The following EPHA5 variants were observed in gnomAD, a reference collection of about 807,000 sequenced individuals.
EPHA5 encodes the protein ephrin type-A receptor 5.
EPHA5 carries 60 observed loss-of-function variants against 105.0 expected under a neutral mutation model. The observed-to-expected ratio is 0.57, with a 90% confidence interval of 0.46 to 0.71. The LOEUF is 0.71. Among genes scored for constraint, EPHA5 ranks in the 30% least tolerant of loss-of-function variants. The pLI is 0.00. For missense variants in EPHA5, 1,218 were observed against 1,274.7 expected (o/e 0.96, Z 0.68); for synonymous variants, 513 against 449.1 (o/e 1.14, Z -1.80).
intron 3 of EPHA5, among the ~76,000 whole-genome samples, chr4:65,571,335 CAG>C (rs1740158333): frequency 1.4e-5 from 2 of 140,934 alleles, no homozygotes; most frequent in South Asian, 4.4e-4. Flanking sequence ...AAAAAAAAAA[CAG>C]ATCAAAAATT....
intron 11 of EPHA5, among the ~76,000 whole-genome samples, chr4:65,354,515 CAG>C (rs975369415): frequency 2.0e-5 from 3 of 151,560 alleles, no homozygotes; most frequent in Non-Finnish European, 4.4e-5. Context: ...GTTAAGAAAA[CAG>C]AGACCTATGA....
chr4:65,551,254 A>ATGTGTG (rs71657186), intron 3 of EPHA5, among the ~76,000 whole-genome samples: 10,620 of 141,060 alleles, frequency 0.075, 626 homozygotes, highest in East Asian at 0.23. Flanking sequence ...ATATTTATAT[A>ATGTGTG]TGTGTGTGTG....
chr4:65,380,822 C>A (rs1478843912), intron 8 of EPHA5, among the ~76,000 whole-genome samples: 1 of 151,720 alleles, frequency 6.6e-6, no homozygotes, highest in African/African-American at 2.4e-5. Flanking sequence ...GGCACCAATC[C>A]TTTAGAAAAC....
At chr4:65,333,644 A>T (rs1720900232) in intron 15 of EPHA5, among the ~76,000 whole-genome samples, 1 of 123,922 alleles carries the variant, frequency 8.1e-6, no homozygotes, top group Non-Finnish European at 1.7e-5. Context: ...CCTGACTTTA[A>T]AACTCTAAGG....
chr4:65,662,247 C>A (rs556284657), intron 1 of EPHA5, among the ~76,000 whole-genome samples: 40 of 152,232 alleles, frequency 2.6e-4, no homozygotes, highest in Admixed American at 4.6e-4. Context: ...TCTAAATCTT[C>A]CAATACTTAG....
chr4:65,404,845 A>C (rs117371592), intron 7 of EPHA5, among the ~76,000 whole-genome samples: 2 of 152,134 alleles, frequency 1.3e-5, no homozygotes, highest in African/African-American at 4.8e-5. Flanking sequence ...CAGGTATATA[A>C]GATTTGACAT....
intron 3 of EPHA5, among the ~76,000 whole-genome samples, chr4:65,582,389 C>A (rs114815156): frequency 2.5e-3 from 383 of 150,802 alleles, no homozygotes; most frequent in African/African-American, 8.9e-3. Flanking sequence ...GTCAGGTATT[C>A]TTTGCTCATA....
intron 3 of EPHA5, among the ~76,000 whole-genome samples, chr4:65,547,872 T>A (rs938321198): frequency 2.6e-5 from 4 of 152,006 alleles, no homozygotes; most frequent in Non-Finnish European, 4.4e-5. Context: ...CAGAAGGCAA[T>A]CTTATATAGA....
At chr4:65,360,552 A>C (rs1398545025) in intron 11 of EPHA5, among the ~76,000 whole-genome samples, 1 of 151,702 alleles carries the variant, frequency 6.6e-6, no homozygotes, top group Non-Finnish European at 1.5e-5. Flanking sequence ...ATGAAAACAA[A>C]TACTAATGTC....
chr4:65,348,671 TA>T (rs1722460347), intron 13 of EPHA5, among the ~76,000 whole-genome samples: 2 of 56,826 alleles, frequency 3.5e-5, no homozygotes, highest in Non-Finnish European at 6.8e-5. Context: ...TATATATATA[TA>T]TATATATATA....
chr4:65,476,154 G>GTGTGTT, intron 5 of EPHA5, among the ~76,000 whole-genome samples: 1 of 151,936 alleles, frequency 6.6e-6, no homozygotes, highest in African/African-American at 2.4e-5. Flanking sequence ...GTGTGTGTGT[G>GTGTGTT]TGTGTTAAAA....
chr4:65,448,797 A>C (rs1726807446), intron 5 of EPHA5, among the ~76,000 whole-genome samples: 1 of 152,202 alleles, frequency 6.6e-6, no homozygotes, highest in South Asian at 2.1e-4. Flanking sequence ...ACTCATAAGA[A>C]AATGATAAAC....
intron 1 of EPHA5, among the ~76,000 whole-genome samples, chr4:65,665,710 G>A (rs1284441035): frequency 1.3e-5 from 2 of 152,064 alleles, no homozygotes; most frequent in Admixed American, 6.6e-5. Context: ...TCTTATATGA[G>A]TAAATGAAAT....
intron 5 of EPHA5, among the ~76,000 whole-genome samples, chr4:65,481,327 T>C (rs923195442): frequency 2.1e-4 from 32 of 152,326 alleles, no homozygotes; most frequent in Admixed American, 1.2e-3. Flanking sequence ...GATGATTTAA[T>C]TTATTTTTTG....
chr4:65,606,751 A>C (rs1744264528), intron 2 of EPHA5, among the ~76,000 whole-genome samples: 1 of 152,206 alleles, frequency 6.6e-6, no homozygotes, highest in Non-Finnish European at 1.5e-5. Context: ...TGTAAATCAA[A>C]AGCCCAGAAT....
chr4:65,339,741 G>T (rs1423789739), intron 14 of EPHA5, among the ~76,000 whole-genome samples: 1 of 152,082 alleles, frequency 6.6e-6, no homozygotes, highest in East Asian at 1.9e-4. Context: ...CACAAGGTGG[G>T]AAACAACCTT....
At chr4:65,634,228 T>G (rs1175608172) in intron 2 of EPHA5, among the ~76,000 whole-genome samples, 1 of 152,072 alleles carries the variant, frequency 6.6e-6, no homozygotes, top group Non-Finnish European at 1.5e-5. Flanking sequence ...TTCTAAAGAA[T>G]AAAATATTGG....
At chr4:65,622,124 C>G (rs760599976) in intron 2 of EPHA5, among the ~76,000 whole-genome samples, 1 of 152,120 alleles carries the variant, frequency 6.6e-6, no homozygotes, top group Non-Finnish European at 1.5e-5. Context: ...TCCCGTGTAA[C>G]TATATTCTGT....
chr4:65,586,639 C>A (rs992758839), intron 3 of EPHA5, among the ~76,000 whole-genome samples: 1 of 151,630 alleles, frequency 6.6e-6, no homozygotes, highest in Non-Finnish European at 1.5e-5. Flanking sequence ...GTTAGAAATC[C>A]CAATGTGTTT....
Sources: gnomAD v4.1 joint callset for allele counts (sites outside exome capture counted in the v4.1 genomes callset) on GRCh38, gnomAD v4.1.1 for gene constraint, MANE v1.5 for transcripts, NCBI Gene and HGNC (gene_info 2026-07-23, HGNC 2026-07-21) for gene names.